The following SGCD variants were observed in gnomAD, a reference collection of about 807,000 sequenced individuals.
SGCD encodes the protein sarcoglycan delta.
In SGCD, 18 loss-of-function variants were observed where a neutral mutation model predicts 36.6. That is an observed-to-expected ratio of 0.49 (90% CI 0.34 to 0.73). The LOEUF (loss-of-function observed/expected upper bound fraction) is 0.73. Ranked by LOEUF, SGCD falls within the 30% of genes least tolerant of loss-of-function variation. SGCD has a pLI of 0.01. For synonymous variants in SGCD, 133 were observed against 130.6 expected (o/e 1.02, Z -0.12); for missense variants, 387 against 346.7 (o/e 1.12, Z -0.92).
chr5:155,811,137 T>A, the SGCD span, among the ~76,000 whole-genome samples: 2 of 152,084 alleles, frequency 1.3e-5, no homozygotes, highest in African/African-American at 4.8e-5. Flanking sequence ...TTTTAACTGA[T>A]AATTTCCATT....
intron 4 of SGCD, among the ~76,000 whole-genome samples, chr5:156,584,217 T>A (rs1375491845): frequency 2.0e-5 from 3 of 152,202 alleles, no homozygotes; most frequent in African/African-American, 7.2e-5. Flanking sequence ...GAGGGCCAAA[T>A]ACACTTGTCT....
chr5:156,299,222 G>A (rs1766986512), intron 3 of SGCD, among the ~76,000 whole-genome samples: 1 of 151,962 alleles, frequency 6.6e-6, no homozygotes, highest in Admixed American at 6.6e-5. Flanking sequence ...TATGTTCTTG[G>A]CACCTTTTTT....
chr5:156,706,640 GAGAATATATGTTCCCTC>G (rs1754755566), intron 7 of SGCD, among the ~76,000 whole-genome samples: 1 of 152,110 alleles, frequency 6.6e-6, no homozygotes, highest in African/African-American at 2.4e-5. Context: ...GAAGAGGGTA[GAGAATATATGTTCCCTC>G]AGCAATCAGA....
At chr5:155,740,755 C>T in the SGCD span, among the ~76,000 whole-genome samples, 1 of 152,184 alleles carries the variant, frequency 6.6e-6, no homozygotes, top group African/African-American at 2.4e-5. Context: ...GTTGCTGTCT[C>T]TTGTTTTGGA....
intron 3 of SGCD, among the ~76,000 whole-genome samples, chr5:156,359,645 A>C (rs925540290): frequency 2.0e-5 from 3 of 152,136 alleles, no homozygotes; most frequent in Non-Finnish European, 4.4e-5. Flanking sequence ...TCAGAGCCTT[A>C]GTCTCTGTGC....
chr5:156,111,194 G>A (rs1342704632), intron 1 of SGCD, among the ~76,000 whole-genome samples: 1 of 152,148 alleles, frequency 6.6e-6, no homozygotes, highest in Non-Finnish European at 1.5e-5. Context: ...GGGTCAAAGT[G>A]CGTATCTTCT....
intron 3 of SGCD, among the ~76,000 whole-genome samples, chr5:156,276,142 A>G (rs898785483): frequency 1.3e-5 from 2 of 152,138 alleles, no homozygotes; most frequent in Non-Finnish European, 2.9e-5. Context: ...ACAGTCTTCT[A>G]TGATACAACC....
At chr5:156,656,307 G>A (rs752584315) in intron 7 of SGCD, among the ~76,000 whole-genome samples, 14 of 152,094 alleles carry the variant, frequency 9.2e-5, no homozygotes, top group East Asian at 3.9e-4. Context: ...AAATGTCACC[G>A]CCCAATACAA....
intron 1 of SGCD, among the ~76,000 whole-genome samples, chr5:155,895,206 A>G (rs1756221072): frequency 6.6e-6 from 1 of 152,358 alleles, no homozygotes; most frequent in African/African-American, 2.4e-5. Flanking sequence ...TCCACATGAA[A>G]TCGTACTTTC....
chr5:156,634,605 T>G (rs941419124), intron 6 of SGCD, among the ~76,000 whole-genome samples: 1 of 152,042 alleles, frequency 6.6e-6, no homozygotes. Context: ...AGCCAGGATT[T>G]GGGGCTCAGG....
the SGCD span, among the ~76,000 whole-genome samples, chr5:155,739,502 T>G: frequency 1.3e-5 from 2 of 152,208 alleles, no homozygotes; most frequent in Non-Finnish European, 2.9e-5. Flanking sequence ...CCATCTAACC[T>G]GCCTCAGCTA....
intron 3 of SGCD, among the ~76,000 whole-genome samples, chr5:156,319,770 G>A (rs564302961): frequency 6.6e-6 from 1 of 152,274 alleles, no homozygotes; most frequent in Admixed American, 6.5e-5. Context: ...TCAGTTTTCA[G>A]TTGTCTCATA....
At chr5:155,824,782 T>C in the SGCD span, among the ~76,000 whole-genome samples, 2 of 152,140 alleles carry the variant, frequency 1.3e-5, no homozygotes, top group African/African-American at 4.8e-5. Flanking sequence ...ACAGGCTTCG[T>C]TGTTGTTAGA....
At chr5:155,822,090 G>A in the SGCD span, among the ~76,000 whole-genome samples, 1 of 152,180 alleles carries the variant, frequency 6.6e-6, no homozygotes, top group African/African-American at 2.4e-5. Flanking sequence ...AAATGATTAA[G>A]TAGGTACACT....
At chr5:155,925,365 C>T (rs889237205) in intron 1 of SGCD, among the ~76,000 whole-genome samples, 2 of 152,174 alleles carry the variant, frequency 1.3e-5, no homozygotes, top group Non-Finnish European at 2.9e-5. Flanking sequence ...TGTACTCTCT[C>T]ACAGTTCTGG....
At chr5:156,351,156 G>A (rs1428575872) in intron 3 of SGCD, among the ~76,000 whole-genome samples, 1 of 152,176 alleles carries the variant, frequency 6.6e-6, no homozygotes, top group East Asian at 1.9e-4. Context: ...TCTCTTTGCT[G>A]TGTAGCTGAG....
intron 3 of SGCD, among the ~76,000 whole-genome samples, chr5:156,200,814 A>G (rs1399960051): frequency 6.6e-6 from 1 of 152,174 alleles, no homozygotes; most frequent in Non-Finnish European, 1.5e-5. Context: ...TTTTATTCAC[A>G]ATAGCTGATA....
intron 7 of SGCD, among the ~76,000 whole-genome samples, chr5:156,710,315 T>A (rs1433391743): frequency 6.6e-6 from 1 of 152,212 alleles, no homozygotes; most frequent in Non-Finnish European, 1.5e-5. Context: ...AACAATATTT[T>A]TATACCCTGT....
the SGCD span, among the ~76,000 whole-genome samples, chr5:155,857,927 A>G: frequency 6.6e-6 from 1 of 152,004 alleles, no homozygotes; most frequent in Non-Finnish European, 1.5e-5. Context: ...CCATCTTACT[A>G]TTTGTTTGCC....
Sources: allele counts gnomAD v4.1 joint callset (sites outside exome capture counted in the v4.1 genomes callset), GRCh38; gene constraint gnomAD v4.1.1; transcripts MANE v1.5; gene names NCBI Gene and HGNC (gene_info 2026-07-23, HGNC 2026-07-21).